ARMC3: variants seen among roughly 807,000 people sequenced by gnomAD.
The protein encoded by ARMC3 is armadillo repeat-containing protein 3.
In ARMC3, 74 loss-of-function variants were observed where a neutral mutation model predicts 90.3. The ratio of observed to expected loss-of-function variants is 0.82; its 90% CI spans 0.68 to 0.99. The LOEUF (loss-of-function observed/expected upper bound fraction) is 0.99, where lower values mean the gene tolerates loss of function less well. Ranked by LOEUF, ARMC3 falls within the 50% of genes least tolerant of loss-of-function variation. The pLI, the probability that ARMC3 is intolerant of heterozygous loss-of-function variation, is 0.00. For synonymous variants in ARMC3, 334 were observed against 361.8 expected, an observed-to-expected ratio of 0.92 and a Z score of 0.87; for missense variants, 958 against 1,042.8, an observed-to-expected ratio of 0.92 and a Z score of 1.12.
intron 10 of ARMC3, among the ~76,000 whole-genome samples, chr10:22,984,817 A>G (rs1418510333): frequency 6.6e-6 from 1 of 152,006 alleles, no homozygotes; most frequent in Non-Finnish European, 1.5e-5. Context: ...ATCCAAAAAA[A>G]CTTTTAAAAA....
chr10:22,988,051 A>G (rs963158664), intron 10 of ARMC3, among the ~76,000 whole-genome samples: 2 of 152,180 alleles, frequency 1.3e-5, no homozygotes, highest in African/African-American at 4.8e-5. Flanking sequence ...ATGCCCCCAA[A>G]TTATATGGAT....
chr10:23,026,224 T>C (rs1326073933), intron 16 of ARMC3, among the ~76,000 whole-genome samples: 1 of 152,124 alleles, frequency 6.6e-6, no homozygotes, highest in East Asian at 1.9e-4. Flanking sequence ...CAACTCACGA[T>C]GATCTAATGC....
At chr10:23,037,202 T>A (rs1839153674) in intron 18 of ARMC3, 68 bp from the exon 19 acceptor site, 1 of 1,367,782 alleles carries the variant, frequency 7.3e-7, no homozygotes, top group Non-Finnish European at 9.9e-7. Flanking sequence ...AGGTGTGCAA[T>A]TACAAATAGG....
At chr10:23,009,641 G>T (rs953713122) in intron 16 of ARMC3, among the ~76,000 whole-genome samples, 1 of 152,136 alleles carries the variant, frequency 6.6e-6, no homozygotes, top group Non-Finnish European at 1.5e-5. Context: ...TAGGATTACA[G>T]GTGTGCACCA....
At chr10:23,022,077 A>G (rs1335085781) in intron 16 of ARMC3, among the ~76,000 whole-genome samples, 1 of 152,178 alleles carries the variant, frequency 6.6e-6, no homozygotes, top group African/African-American at 2.4e-5. Context: ...GTATATTTAC[A>G]TTTATATCTA....
At chr10:23,000,788 A>C (rs1442252607) in intron 11 of ARMC3, among the ~76,000 whole-genome samples, 1 of 152,232 alleles carries the variant, frequency 6.6e-6, no homozygotes, top group African/African-American at 2.4e-5. Context: ...AAAGTGGAAG[A>C]GATTCCACAG....
intron 16 of ARMC3, among the ~76,000 whole-genome samples, chr10:23,030,032 A>G (rs1180714262): frequency 6.6e-6 from 1 of 152,202 alleles, no homozygotes; most frequent in African/African-American, 2.4e-5. Flanking sequence ...CATACCTACT[A>G]CTATGTGCCA....
intron 18 of ARMC3, among the ~76,000 whole-genome samples, chr10:23,035,401 C>T (rs1839091113): frequency 6.6e-6 from 1 of 152,086 alleles, no homozygotes; most frequent in South Asian, 2.1e-4. Context: ...GCTCATTATG[C>T]CAAACAGAAT....
At chr10:22,928,552 T>A (rs1481968719) in intron 1 of ARMC3, among the ~76,000 whole-genome samples, 1 of 152,200 alleles carries the variant, frequency 6.6e-6, no homozygotes, top group Admixed American at 6.5e-5. Context: ...GAAGATGCAT[T>A]TTTAGAGCAG....
intron 8 of ARMC3, among the ~76,000 whole-genome samples, chr10:22,974,629 T>TG (rs1192929187): frequency 2.4e-5 from 3 of 126,126 alleles, no homozygotes; most frequent in Admixed American, 8.2e-5. Flanking sequence ...CTCTAAAATC[T>TG]GTTTTTTTTT....
intron 8 of ARMC3, among the ~76,000 whole-genome samples, chr10:22,978,034 A>T (rs1222929046): frequency 6.6e-6 from 1 of 152,146 alleles, no homozygotes; most frequent in Non-Finnish European, 1.5e-5. Context: ...AGATAGGTTA[A>T]ATCTTTGTCA....
intron 10 of ARMC3, among the ~76,000 whole-genome samples, chr10:22,987,922 A>C (rs1206153636): frequency 6.6e-6 from 1 of 152,212 alleles, no homozygotes; most frequent in Non-Finnish European, 1.5e-5. Context: ...ACAATACCAG[A>C]GACAAAAAGC....
At chr10:22,960,042 C>A in intron 6 of ARMC3, 1 of 328,066 alleles carries the variant, frequency 3.0e-6, no homozygotes, top group Non-Finnish European at 5.9e-6. Flanking sequence ...TCCACAATAG[C>A]AAGATGCTAC....
intron 6 of ARMC3, 152 bp downstream of exon 6, chr10:22,959,726 G>A (rs1835113071): frequency 1.3e-6 from 1 of 746,226 alleles, no homozygotes; most frequent in Admixed American, 3.1e-5. Context: ...AAAAAATAAT[G>A]GAAGCTTAAT....
chr10:23,021,228 G>T (rs1838499716), intron 16 of ARMC3, among the ~76,000 whole-genome samples: 1 of 152,194 alleles, frequency 6.6e-6, no homozygotes, highest in African/African-American at 2.4e-5. Context: ...TGGACATCTA[G>T]GTAGATGCCG....
At position 22,930,559 on chromosome 10, in the gene ARMC3, A is replaced by G. The variant is rs192280443; in HGVS notation, c.-1-1437A>G. Reference sequence around the variant, plus strand: ...CCAGGCCCTCCAAAGTCTTAAAAGTAGTGTGGTCTGAAGTTAGAGACCTAG... The same window carrying G: ...CCAGGCCCTCCAAAGTCTTAAAAGTGGTGTGGTCTGAAGTTAGAGACCTAG... On this transcript the variant is annotated intron_variant, in intron 1 of 18. Coordinates refer to ENST00000298032, the MANE Select transcript of ARMC3 (RefSeq NM_173081.5). 2.4e-4 allele frequency among the ~76,000 whole-genome samples: 36 copies of G among 152,346 alleles called. No homozygotes were observed. In the East Asian group the frequency reaches 6.9e-3, roughly 29 times the overall value.
intron 10 of ARMC3, among the ~76,000 whole-genome samples, chr10:22,997,928 TA>T (rs1388801294): frequency 4.6e-5 from 7 of 152,320 alleles, no homozygotes; most frequent in African/African-American, 1.7e-4. Context: ...CCAAAAGCTG[TA>T]CAAGTAGAAA....
At chr10:23,021,078 C>A (rs1225126364) in intron 16 of ARMC3, among the ~76,000 whole-genome samples, 1 of 152,098 alleles carries the variant, frequency 6.6e-6, no homozygotes, top group Non-Finnish European at 1.5e-5. Flanking sequence ...GTTTTCTGTT[C>A]CTGCATTAAT....
At chr10:22,951,229 G>A (rs1026998461) in intron 3 of ARMC3, among the ~76,000 whole-genome samples, 5 of 152,250 alleles carry the variant, frequency 3.3e-5, no homozygotes, top group African/African-American at 9.6e-5. Flanking sequence ...GAGCCAGTGC[G>A]CCTGGCCGAA....
Sources: gnomAD v4.1 joint callset for allele counts (sites outside exome capture counted in the v4.1 genomes callset) on GRCh38, gnomAD v4.1.1 for gene constraint, MANE v1.5 for transcripts, NCBI Gene and HGNC (gene_info 2026-07-23, HGNC 2026-07-21) for gene names.